Variants in C12orf56 observed in about 807,000 individuals in gnomAD.
C12orf56 encodes the protein chromosome 12 open reading frame 56.
C12orf56 carries 71 observed loss-of-function variants against 69.9 expected under a neutral mutation model. The observed-to-expected ratio is 1.02, with a 90% CI of 0.84 to 1.24. C12orf56 has a LOEUF of 1.24. C12orf56 is among the 50% of genes most tolerant of loss of function. The pLI, the probability that C12orf56 is intolerant of heterozygous loss-of-function variation, is 0.00. For missense variants in C12orf56, 732 were observed against 738.5 expected, an observed-to-expected ratio of 0.99 and a Z score of 0.10; for synonymous variants, 276 against 274.1, an observed-to-expected ratio of 1.01 and a Z score of -0.07.
chr12:64,274,884 G>T lies in C12orf56; in HGVS notation c.1584+17C>A. 1 of 1,583,610 alleles carries T rather than the reference G, an allele frequency of 6.3e-7. No individual in the cohort carries two copies. Among genetic ancestry groups the T allele is most frequent in the South Asian group, 1.1e-5 (1 of 89,806 alleles). ...TTAGGCTTGGGGGTGATTTCGTTTT[G>T]ACTTCTAGATACTTACGATGGGAGG... On this transcript the variant is annotated intron_variant, in intron 11 of 12. Coordinates refer to ENST00000543942, the MANE Select transcript of C12orf56 (RefSeq NM_001170633.2).
At chr12:64,284,522 AAGG>A (rs2038173978) in intron 8 of C12orf56, 139 bp downstream of exon 8, 1 of 545,042 alleles carries the variant, frequency 1.8e-6, no homozygotes, top group East Asian at 3.3e-5. Flanking sequence ...TCATGGAAGG[AAGG>A]AGAAAAACAA....
chr12:64,285,153 C>T (rs1050193901), intron 7 of C12orf56, among the ~76,000 whole-genome samples: 2 of 149,052 alleles, frequency 1.3e-5, no homozygotes, highest in Non-Finnish European at 3.0e-5. Flanking sequence ...CACCAATGCA[C>T]TCCCTCTGAG....
At chr12:64,272,271 G>A (rs1565732741) in intron 11 of C12orf56, among the ~76,000 whole-genome samples, 1 of 152,134 alleles carries the variant, frequency 6.6e-6, no homozygotes, top group Non-Finnish European at 1.5e-5. Context: ...TTAGGAGGCC[G>A]AAGTGGGAGG....
intron 2 of C12orf56, chr12:64,338,635 A>C (rs2039029900): frequency 6.3e-7 from 1 of 1,592,340 alleles, no homozygotes; most frequent in African/African-American, 1.3e-5. Flanking sequence ...AATATTCCAT[A>C]ATCTTTAGTC....
intron 3 of C12orf56, among the ~76,000 whole-genome samples, chr12:64,323,990 T>A (rs988975625): frequency 6.6e-6 from 1 of 152,218 alleles, no homozygotes; most frequent in Non-Finnish European, 1.5e-5. Flanking sequence ...AAAGACCATG[T>A]TAAGAATTTC....
At chr12:64,357,735 T>C (rs568039629) in intron 1 of C12orf56, among the ~76,000 whole-genome samples, 32 of 151,756 alleles carry the variant, frequency 2.1e-4, no homozygotes, top group Admixed American at 8.5e-4. Flanking sequence ...CCCCAATCTC[T>C]ACTAAAAATG....
chr12:64,293,638 T>C (rs1352221964), intron 6 of C12orf56, among the ~76,000 whole-genome samples: 1 of 152,258 alleles, frequency 6.6e-6, no homozygotes, highest in East Asian at 1.9e-4. Context: ...TAAGTATCAC[T>C]GTTATTATGA....
At chr12:64,277,009 A>AAAAAAAAAAAAAC (rs1483582212) in intron 9 of C12orf56, among the ~76,000 whole-genome samples, 1 of 149,596 alleles carries the variant, frequency 6.7e-6, no homozygotes, top group Non-Finnish European at 1.5e-5. Context: ...AAAAAAAAAA[A>AAAAAAAAAAAAAC]AAAAAAATTA....
At chr12:64,273,297 C>CAAA (rs201066197) in intron 11 of C12orf56, among the ~76,000 whole-genome samples, 34 of 139,884 alleles carry the variant, frequency 2.4e-4, no homozygotes, top group African/African-American at 7.7e-4. Context: ...GACTCTGTCT[C>CAAA]AAAAAAAAAA....
rs2038196331 is a variant in C12orf56, at chr12:64,286,005, G to C, written c.1169C>G (p.Ser390Cys). ...ATTTTGTAGTGCATTCTTATCCCTA[G>C]ACTCCGGCAAGTACTCATGAAGTTT... Reference protein sequence around the residue: ...VNKLHEYLPESRDKNALQNQS... With the variant: ...VNKLHEYLPECRDKNALQNQS... Residue 390 changes from serine to cysteine, a missense_variant, in exon 7 of 13, where the codon TCT becomes TGT. Ser to Cys is a moderately radical substitution (Grantham distance 112). Coordinates refer to ENST00000543942, the MANE Select transcript of C12orf56 (RefSeq NM_001170633.2). 4 of 1,611,516 alleles carry C rather than the reference G, an allele frequency of 2.5e-6. No individual in the cohort carries two copies. The East Asian group carries it at 8.9e-5, about 36-fold the overall frequency.
chr12:64,330,943 C>G lies in C12orf56; in HGVS notation c.488+17G>C. ...TTGGTTAGCAAGTTAAACACATACT[C>G]CAAACAACAATCTCACCTGAGAGGA... On this transcript the variant is annotated intron_variant, in intron 3 of 12. Coordinates refer to ENST00000543942, the MANE Select transcript of C12orf56 (RefSeq NM_001170633.2). 6.5e-7 allele frequency: 1 copy of G among 1,530,594 alleles called. No individual in the cohort carries two copies. Among genetic ancestry groups the G allele is most frequent in the Non-Finnish European group, 8.8e-7 (1 of 1,136,472 alleles). 94.8% of individuals were successfully genotyped at this position (1,530,594 alleles called of 1,614,324 possible).
chr12:64,279,450 A>G (rs1482272989), intron 8 of C12orf56, among the ~76,000 whole-genome samples: 2 of 152,254 alleles, frequency 1.3e-5, no homozygotes, highest in Admixed American at 1.3e-4. Flanking sequence ...ATGTCAGAGT[A>G]GATTTGAGGG....
At chr12:64,269,871 G>T (rs768730477) in intron 12 of C12orf56, among the ~76,000 whole-genome samples, 1 of 152,102 alleles carries the variant, frequency 6.6e-6, no homozygotes, top group Admixed American at 6.5e-5. Flanking sequence ...TTACAGGCAT[G>T]AGCCACCATG....
At chr12:64,283,221 G>A (rs1197816766) in intron 8 of C12orf56, among the ~76,000 whole-genome samples, 1 of 152,122 alleles carries the variant, frequency 6.6e-6, no homozygotes, top group Non-Finnish European at 1.5e-5. Context: ...GCTCATGCCT[G>A]TAATCCCAGC....
At chr12:64,321,292 T>C (rs951845527) in intron 3 of C12orf56, among the ~76,000 whole-genome samples, 5 of 152,190 alleles carry the variant, frequency 3.3e-5, no homozygotes, top group African/African-American at 4.8e-5. Context: ...CCTTTTACAT[T>C]AAGTTATCTT....
intron 8 of C12orf56, among the ~76,000 whole-genome samples, chr12:64,280,708 T>C (rs913295500): frequency 2.0e-5 from 3 of 152,144 alleles, no homozygotes; most frequent in Non-Finnish European, 4.4e-5. Context: ...GAAAAAGAGA[T>C]ACTCTCCTGC....
intron 11 of C12orf56, among the ~76,000 whole-genome samples, chr12:64,272,509 A>C (rs5015815): frequency 0.7 from 105,736 of 151,062 alleles, 38,154 homozygotes; most frequent in Non-Finnish European, 0.79. Context: ...TGTCTCAAAT[A>C]AATAAATAAA....
At chr12:64,362,020 C>T (rs1307846511) in intron 1 of C12orf56, among the ~76,000 whole-genome samples, 1 of 152,146 alleles carries the variant, frequency 6.6e-6, no homozygotes, top group Non-Finnish European at 1.5e-5. Context: ...CATGAGCCAC[C>T]TTGCCTGGCC....
chr12:64,279,494 A>G (rs1008018593), intron 8 of C12orf56, among the ~76,000 whole-genome samples: 2 of 152,208 alleles, frequency 1.3e-5, no homozygotes, highest in Non-Finnish European at 2.9e-5. Flanking sequence ...AGATAGTACT[A>G]TACAAAAGTT....
Sources: gnomAD v4.1 joint callset for allele counts (sites outside exome capture counted in the v4.1 genomes callset) on GRCh38, gnomAD v4.1.1 for gene constraint, MANE v1.5 for transcripts, NCBI Gene and HGNC (gene_info 2026-07-23, HGNC 2026-07-21) for gene names.